Variants in RPS6KA5 observed in about 807,000 individuals in gnomAD.
RPS6KA5 encodes ribosomal protein S6 kinase alpha-5.
A neutral mutation model predicts 85.5 loss-of-function variants in RPS6KA5; 27 were observed. That is an observed-to-expected ratio of 0.32 (90% CI 0.23 to 0.44). The LOEUF is 0.44. Ranked by LOEUF, RPS6KA5 falls within the 20% of genes least tolerant of loss-of-function variation. RPS6KA5 has a pLI of 1.00. For missense variants in RPS6KA5, 811 were observed against 980.9 expected, an observed-to-expected ratio of 0.83 and a Z score of 2.31; for synonymous variants, 334 against 348.2, an observed-to-expected ratio of 0.96 and a Z score of 0.46.
At chr14:91,009,536 C>T (rs987165530) in intron 1 of RPS6KA5, among the ~76,000 whole-genome samples, 15 of 152,170 alleles carry the variant, frequency 9.9e-5, no homozygotes, top group African/African-American at 3.4e-4. Context: ...AGGCATGATG[C>T]CTGGCCATGT....
At chr14:90,999,100 C>T (rs2040663071) in intron 2 of RPS6KA5, among the ~76,000 whole-genome samples, 1 of 152,064 alleles carries the variant, frequency 6.6e-6, no homozygotes, top group Non-Finnish European at 1.5e-5. Flanking sequence ...TCCAGCTACT[C>T]AGGAGGCTGA....
intron 5 of RPS6KA5, 121 bp from the exon 6 acceptor site, chr14:90,923,317 A>G: frequency 1.4e-6 from 1 of 729,634 alleles, no homozygotes; most frequent in South Asian, 1.6e-5. Context: ...GGTAGAATCT[A>G]CTTGACAGAC....
Position 90,850,485 on chromosome 14 carries a change from A to G in RPS6KA5, c.*21589T>C, listed in dbSNP as rs1050853607. 10 of 151,376 alleles carry G rather than the reference A, an allele frequency of 6.6e-5. No homozygotes were observed. Among genetic ancestry groups the G allele is most frequent in the African/African-American group, 2.4e-4 (10 of 41,146 alleles). The allele number at this position is 151,376 out of a possible 1,614,324, so 9.4% of individuals were successfully genotyped here. A position where few individuals can be genotyped will look rare whatever the true frequency, so the allele number is the denominator to read the frequency against. On this transcript the variant is annotated 3_prime_UTR_variant, in exon 17 of 17. Transcript: ENST00000614987. ...ATACAAAAAAAAAAAAAAAAAACAG[A>G]AAATATTACATAACCAGGCCTTTTA...
intron 1 of RPS6KA5, among the ~76,000 whole-genome samples, chr14:91,026,597 G>C (rs1260324489): frequency 6.6e-6 from 1 of 152,074 alleles, no homozygotes; most frequent in Non-Finnish European, 1.5e-5. Flanking sequence ...CTTTGCTATC[G>C]TGAATAGTAC....
intron 14 of RPS6KA5, among the ~76,000 whole-genome samples, chr14:90,878,792 G>A (rs2033642107): frequency 2.0e-5 from 3 of 152,176 alleles, no homozygotes; most frequent in African/African-American, 4.8e-5. Flanking sequence ...GGTAGCATAC[G>A]TTGCACTGGA....
At chr14:91,037,001 C>A (rs1048820939) in intron 1 of RPS6KA5, among the ~76,000 whole-genome samples, 2 of 152,108 alleles carry the variant, frequency 1.3e-5, no homozygotes, top group African/African-American at 4.8e-5. Context: ...TTGAAGATGA[C>A]GTCAAATGGT....
chr14:90,883,236 TTTC>T (rs1448206204), intron 14 of RPS6KA5, among the ~76,000 whole-genome samples: 1 of 152,250 alleles, frequency 6.6e-6, no homozygotes, highest in African/African-American at 2.4e-5. Context: ...TCCCTTTCTC[TTTC>T]TTCTCCTTCT....
intron 1 of RPS6KA5, among the ~76,000 whole-genome samples, chr14:91,023,183 A>G (rs2041857301): frequency 1.3e-5 from 2 of 151,072 alleles, no homozygotes; most frequent in Admixed American, 1.3e-4. Flanking sequence ...TTAAGTGCTC[A>G]CCATCAGGTT....
At chr14:90,872,439 T>C in intron 16 of RPS6KA5, 117 bp from the exon 17 acceptor site, 1 of 1,307,704 alleles carries the variant, frequency 7.6e-7, no homozygotes, top group African/African-American at 1.5e-5. Flanking sequence ...CAAGTTGTTT[T>C]AAGGGAACAA....
chr14:90,855,053 A>C lies in RPS6KA5; in HGVS notation c.*17021T>G, dbSNP rs1429951126. The C allele has an allele frequency of 6.6e-6, 1 of 152,232 alleles. No individual in the cohort carries two copies. Among genetic ancestry groups the C allele is most frequent in the Non-Finnish European group, 1.5e-5 (1 of 68,032 alleles). The allele number at this position is 152,232 out of a possible 1,614,324, so 9.4% of individuals were successfully genotyped here. ...TCATCTCTTTGCTTTGCCAGGAACAAAGTTTCAAGTGATATCTCCATCAGC... is the reference window on the plus strand; with the variant it reads ...TCATCTCTTTGCTTTGCCAGGAACACAGTTTCAAGTGATATCTCCATCAGC... On this transcript the variant is annotated 3_prime_UTR_variant, in exon 17 of 17. Transcript: ENST00000614987.
chr14:90,951,433 C>T (rs2038181461), intron 3 of RPS6KA5, among the ~76,000 whole-genome samples: 1 of 148,148 alleles, frequency 6.8e-6, no homozygotes, highest in African/African-American at 2.5e-5. Flanking sequence ...TTGCAGTGAG[C>T]CACTGCACTC....
At chr14:90,970,997 C>T (rs2039294145) in intron 3 of RPS6KA5, among the ~76,000 whole-genome samples, 1 of 151,892 alleles carries the variant, frequency 6.6e-6, no homozygotes, top group Admixed American at 6.6e-5. Context: ...CAAATCTGGT[C>T]CACCACCATT....
rs552472885 is a variant in RPS6KA5, at chr14:90,864,053, C to A, written c.*8021G>T. ...TCAAGTTAATACTCATATGGAAATA[C>A]ATAAACTTTGGCTACTATTTCACAT... On this transcript the variant is annotated 3_prime_UTR_variant, in exon 17 of 17. Transcript: ENST00000614987. 1 of 152,224 alleles carries A rather than the reference C, an allele frequency of 6.6e-6. No homozygotes were observed. The highest frequency in any genetic ancestry group is 2.4e-5 in the African/African-American group (1 of 41,456). 9.4% of individuals were successfully genotyped at this position (152,224 alleles called of 1,614,324 possible). A position where few individuals can be genotyped will look rare whatever the true frequency, so the allele number is the denominator to read the frequency against.
At chr14:91,042,967 C>T (rs1176294816) in intron 1 of RPS6KA5, among the ~76,000 whole-genome samples, 2 of 152,266 alleles carry the variant, frequency 1.3e-5, no homozygotes, top group South Asian at 2.1e-4. Flanking sequence ...TCTTTAATAT[C>T]CTCCAGAACC....
intron 5 of RPS6KA5, among the ~76,000 whole-genome samples, chr14:90,931,468 C>T (rs1321661488): frequency 6.6e-6 from 1 of 151,982 alleles, no homozygotes; most frequent in African/African-American, 2.4e-5. Flanking sequence ...ATTATTAAAG[C>T]TGCTGAACCA....
rs2037983484 is a variant in RPS6KA5, at chr14:90,948,373, G to A, written c.395-823C>T. Among the ~76,000 whole-genome samples the A allele has an allele frequency of 3.3e-5, 5 of 152,138 alleles. No homozygotes were observed. The South Asian group carries it at 1.0e-3, about 31-fold the overall frequency. The stretch of plus-strand genomic sequence containing the variant: ...AGAATAAACTTTTTACCAAATAAGT[G>A]TTGCAAAAAAGCTTTAAATTGTAGT... On this transcript the variant is annotated intron_variant, in intron 3 of 16. Transcript: ENST00000614987.
At chr14:91,030,911 A>G (rs1286950492) in intron 1 of RPS6KA5, among the ~76,000 whole-genome samples, 4 of 152,124 alleles carry the variant, frequency 2.6e-5, no homozygotes, top group Admixed American at 1.3e-4. Flanking sequence ...AAAATTTAAA[A>G]ACACAGAATA....
Position 90,850,259 on chromosome 14 carries a change from T to C in RPS6KA5, c.*21815A>G, listed in dbSNP as rs1293922777. 2 of 152,104 alleles carry C rather than the reference T, an allele frequency of 1.3e-5. No homozygotes were observed. The highest frequency in any genetic ancestry group is 2.9e-5 in the Non-Finnish European group (2 of 68,020). The allele number at this position is 152,104 out of a possible 1,614,324, so 9.4% of individuals were successfully genotyped here. On this transcript the variant is annotated 3_prime_UTR_variant, in exon 17 of 17. Transcript: ENST00000614987. ...CAACGTGTTCTGAAGGACCTTTAAA[T>C]AAGAGATGGTAATAAATCCAGCTGC...
chr14:90,978,199 T>C, intron 3 of RPS6KA5, 107 bp downstream of exon 3: 1 of 775,150 alleles, frequency 1.3e-6, no homozygotes, highest in East Asian at 2.9e-5. Context: ...AGAATCAAAA[T>C]ATTTCACTTC....
Sources: gnomAD v4.1 joint callset for allele counts (sites outside exome capture counted in the v4.1 genomes callset) on GRCh38, gnomAD v4.1.1 for gene constraint, MANE v1.5 for transcripts, NCBI Gene and HGNC (gene_info 2026-07-23, HGNC 2026-07-21) for gene names.